Variants in AGFG1 observed in about 807,000 individuals in gnomAD.
The protein encoded by AGFG1 is ArfGAP with FG repeats 1.
In AGFG1, 10 loss-of-function variants were observed where a neutral mutation model predicts 60.6. The ratio of observed to expected loss-of-function variants is 0.16; its 90% confidence interval spans 0.10 to 0.28. The LOEUF (loss-of-function observed/expected upper bound fraction) is 0.28, where lower values mean the gene tolerates loss of function less well. Among genes scored for constraint, AGFG1 ranks in the 10% least tolerant of loss-of-function variants. The pLI is 1.00. For synonymous variants in AGFG1, 247 were observed against 242.9 expected (o/e 1.02, Z -0.16); for missense variants, 537 against 676.5 (o/e 0.79, Z 2.29).
At chr2:227,534,050 G>A (rs1692237891) in intron 7 of AGFG1, among the ~76,000 whole-genome samples, 1 of 152,014 alleles carries the variant, frequency 6.6e-6, no homozygotes, top group Admixed American at 6.6e-5. Flanking sequence ...AAAGAGCCAA[G>A]AAACCCCATT....
chr2:227,521,407 T>A (rs566128219), intron 3 of AGFG1, among the ~76,000 whole-genome samples: 2 of 152,352 alleles, frequency 1.3e-5, no homozygotes, highest in South Asian at 4.1e-4. Flanking sequence ...TAGTCAGGGC[T>A]ATATTCAGCT....
rs1693116217 is a variant in AGFG1, at chr2:227,560,790, T to G, written c.*6295T>G. The G allele has an allele frequency of 6.6e-6, 1 of 152,158 alleles. No homozygotes were observed. The highest frequency in any genetic ancestry group is 2.4e-5 in the African/African-American group (1 of 41,456). 9.4% of individuals were successfully genotyped at this position (152,158 alleles called of 1,614,324 possible). On this transcript the variant is annotated 3_prime_UTR_variant, in exon 13 of 13. Transcript: ENST00000310078. ...TTACTCTGAAAGTTGTGATTCTGAT[T>G]CCTCATGGTTTGGAGCTCAGAAATT...
At chr2:227,549,309 A>G (rs1306779209) in intron 10 of AGFG1, among the ~76,000 whole-genome samples, 1 of 152,220 alleles carries the variant, frequency 6.6e-6, no homozygotes, top group Non-Finnish European at 1.5e-5. Flanking sequence ...TTTTAAATCC[A>G]TGGAAATATA....
intron 2 of AGFG1, among the ~76,000 whole-genome samples, chr2:227,516,177 C>T (rs1691644703): frequency 6.6e-6 from 1 of 152,172 alleles, no homozygotes; most frequent in Non-Finnish European, 1.5e-5. Flanking sequence ...GGTTTTCAAA[C>T]TTTAGCCCAC....
rs747393401 is a variant in AGFG1, at chr2:227,535,073, TC to T, written c.1205+50del. 8 of 1,418,236 alleles carry T rather than the reference TC, an allele frequency of 5.6e-6. 1 individual carries two copies. The highest frequency in any genetic ancestry group is 7.4e-6 in the Non-Finnish European group (8 of 1,076,064). The allele number at this position is 1,418,236 out of a possible 1,614,324, so 87.9% of individuals were successfully genotyped here. A position where few individuals can be genotyped will look rare whatever the true frequency, so the allele number is the denominator to read the frequency against. Reference sequence around the variant, plus strand: ...CCTGCTTTGTGTTTTATCTTTTTTTTCCAACTTTGAATAATCAATTAAAAAA... The same window carrying T: ...CCTGCTTTGTGTTTTATCTTTTTTTTCAACTTTGAATAATCAATTAAAAAA... On this transcript the variant is annotated intron_variant, in intron 8 of 12. Transcript: ENST00000310078.
chr2:227,537,461 G>A (rs1692347036), intron 10 of AGFG1, among the ~76,000 whole-genome samples: 1 of 152,128 alleles, frequency 6.6e-6, no homozygotes. Context: ...TCTTTTTCTA[G>A]TGAATATCTC....
chr2:227,535,995 A>G lies in AGFG1; in HGVS notation c.1206-630A>G, dbSNP rs1016003322. 7.2e-5 allele frequency among the ~76,000 whole-genome samples: 11 copies of G among 152,270 alleles called. No individual in the cohort carries two copies. The East Asian group carries it at 1.4e-3, about 19-fold the overall frequency. ...TATTTGCATTGATGGTGTGAAAACA[A>G]TGGCAAGTAAAACTTGCTGGTGTCT... On this transcript the variant is annotated intron_variant, in intron 8 of 12. Coordinates refer to ENST00000310078, the MANE Select transcript of AGFG1 (RefSeq NM_004504.5).
Position 227,533,697 on chromosome 2 carries a change from A to C in AGFG1, c.963A>C (p.Leu321Phe). The change falls in exon 7 of 13, where the codon TTA becomes TTC. Residue 321 changes from leucine to phenylalanine, a missense_variant. By Grantham distance (22) the Leu-to-Phe change is conservative. Around this residue, in one of 4 missense-constraint regions of AGFG1, gnomAD observed 287 missense variants for 343.6 expected, o/e 0.84. Coordinates refer to ENST00000310078, the MANE Select transcript of AGFG1 (RefSeq NM_004504.5). ...VSKVSTNKAG[L>F]QTADKYAALA... ...AAGTTTCAACGAACAAAGCTGGTTT[A>C]CAGACTGCAGACAAATATGCAGCAC... 4 of 1,613,870 alleles carry C rather than the reference A, an allele frequency of 2.5e-6. No individual in the cohort carries two copies. Among genetic ancestry groups the C allele is most frequent in the Non-Finnish European group, 3.4e-6 (4 of 1,179,832 alleles).
intron 10 of AGFG1, among the ~76,000 whole-genome samples, chr2:227,547,433 T>G (rs1346790926): frequency 6.6e-6 from 1 of 152,174 alleles, no homozygotes; most frequent in Non-Finnish European, 1.5e-5. Flanking sequence ...GAAATGAAAA[T>G]TGTTGCCAAT....
At chr2:227,484,677 GTTTTTTTTT>G (rs34405103) in intron 1 of AGFG1, among the ~76,000 whole-genome samples, 3 of 115,908 alleles carry the variant, frequency 2.6e-5, no homozygotes, top group Non-Finnish European at 5.2e-5. Context: ...AGATCTCTTA[GTTTTTTTTT>G]TGTTTTTTTT....
intron 6 of AGFG1, chr2:227,532,056 A>T (rs1692178984): frequency 1.8e-6 from 2 of 1,103,242 alleles, no homozygotes; most frequent in African/African-American, 3.3e-5. Flanking sequence ...AACTCTGTGT[A>T]TTGTCTTAAA....
intron 4 of AGFG1, 50 bp downstream of exon 4, chr2:227,523,975 A>G: frequency 6.5e-7 from 1 of 1,528,622 alleles, no homozygotes; most frequent in Non-Finnish European, 9.0e-7. Flanking sequence ...AGAGGGCTTG[A>G]GTATCAAGAA....
intron 3 of AGFG1, 130 bp from the exon 4 acceptor site, chr2:227,523,633 C>A (rs1691888917): frequency 2.5e-5 from 20 of 803,826 alleles, no homozygotes; most frequent in East Asian, 2.8e-5. Context: ...CAAAGTTATT[C>A]TGTGTGAGAG....
chr2:227,545,310 A>G (rs1217660496), intron 10 of AGFG1, among the ~76,000 whole-genome samples: 1 of 152,190 alleles, frequency 6.6e-6, no homozygotes, highest in African/African-American at 2.4e-5. Flanking sequence ...CAGCTCCATC[A>G]GGTCATTTAA....
intron 2 of AGFG1, among the ~76,000 whole-genome samples, chr2:227,493,194 T>G (rs1185518099): frequency 6.6e-6 from 1 of 152,188 alleles, no homozygotes; most frequent in Non-Finnish European, 1.5e-5. Context: ...ATCTACCCTC[T>G]TAACAAATTT....
intron 2 of AGFG1, among the ~76,000 whole-genome samples, chr2:227,515,057 G>A (rs1472980997): frequency 6.6e-6 from 1 of 151,912 alleles, no homozygotes; most frequent in African/African-American, 2.4e-5. Context: ...CGAGTAGCTG[G>A]GACTACACAT....
Position 227,559,975 on chromosome 2 carries a change from T to C in AGFG1, c.*5480T>C, listed in dbSNP as rs939728555. On this transcript the variant is annotated 3_prime_UTR_variant, in exon 13 of 13. Coordinates refer to ENST00000310078, the MANE Select transcript of AGFG1 (RefSeq NM_004504.5). ...ACACAAAGGGCATAAAGTCAAAAAG[T>C]GTGTCTCCCTCTGTGACTTTATTCT... 2 of 152,120 alleles carry C rather than the reference T, an allele frequency of 1.3e-5. No individual in the cohort carries two copies. The highest frequency in any genetic ancestry group is 4.8e-5 in the African/African-American group (2 of 41,446). The allele number at this position is 152,120 out of a possible 1,614,324, so 9.4% of individuals were successfully genotyped here.
intron 2 of AGFG1, among the ~76,000 whole-genome samples, chr2:227,507,418 T>C (rs1269152844): frequency 6.6e-6 from 1 of 151,874 alleles, no homozygotes; most frequent in Non-Finnish European, 1.5e-5. Flanking sequence ...TTGGCTAACA[T>C]GGTGAAATCC....
chr2:227,551,916 A>G, intron 10 of AGFG1, 43 bp from the exon 11 acceptor site: 15 of 1,588,744 alleles, frequency 9.4e-6, no homozygotes, highest in Non-Finnish European at 1.3e-5. Flanking sequence ...GAAACTAAAC[A>G]TATCCTGTTG....
Sources: gnomAD v4.1 joint callset for allele counts (sites outside exome capture counted in the v4.1 genomes callset) on GRCh38, gnomAD v4.1.1 for gene constraint, gnomAD v4.1.1 regional missense constraint, MANE v1.5 for transcripts, NCBI Gene and HGNC (gene_info 2026-07-23, HGNC 2026-07-21) for gene names.